The following RHOBTB1 variants were observed in gnomAD, a reference collection of about 807,000 sequenced individuals.
The protein encoded by RHOBTB1 is Rho related BTB domain containing 1.
In RHOBTB1, 40 loss-of-function variants were observed where a neutral mutation model predicts 71.6. The ratio of observed to expected loss-of-function variants is 0.56; its 90% CI spans 0.43 to 0.73. The LOEUF is 0.73. RHOBTB1 is among the 30% of genes least tolerant of loss of function. The probability of loss-of-function intolerance (pLI) is 0.00; values close to 1 mark genes in which losing one functional copy is unlikely to be tolerated. For missense variants in RHOBTB1, 797 were observed against 894.0 expected (o/e 0.89, Z 1.38); for synonymous variants, 319 against 334.9 (o/e 0.95, Z 0.52).
chr10:60,909,715 A>G (rs1366838089), intron 4 of RHOBTB1, among the ~76,000 whole-genome samples: 1 of 152,220 alleles, frequency 6.6e-6, no homozygotes, highest in Non-Finnish European at 1.5e-5. Flanking sequence ...CAGGAAATTC[A>G]AGGAAAAGAA....
At chr10:60,917,563 A>G (rs1044039904) in intron 2 of RHOBTB1, among the ~76,000 whole-genome samples, 2 of 152,188 alleles carry the variant, frequency 1.3e-5, no homozygotes, top group African/African-American at 4.8e-5. Context: ...GTGTCCTCAC[A>G]TGACAGGCAG....
At chr10:60,864,253 C>A in the RHOBTB1 span, among the ~76,000 whole-genome samples, 1 of 152,116 alleles carries the variant, frequency 6.6e-6, no homozygotes, top group African/African-American at 2.4e-5. Flanking sequence ...CCCCATAAGG[C>A]GCGGTTGTGG....
chr10:60,980,148 T>C (rs1228714277), intron 2 of RHOBTB1, among the ~76,000 whole-genome samples: 4 of 152,186 alleles, frequency 2.6e-5, no homozygotes, highest in Admixed American at 2.0e-4. Context: ...ATCAGTTAAA[T>C]TCATTAAAAT....
intron 1 of RHOBTB1, among the ~76,000 whole-genome samples, chr10:60,942,495 G>C (rs937855277): frequency 1.3e-5 from 2 of 152,146 alleles, no homozygotes; most frequent in Non-Finnish European, 2.9e-5. Context: ...TCTGCACTAG[G>C]ATCAACTGGT....
chr10:60,896,954 G>A (rs1034371556), intron 4 of RHOBTB1, among the ~76,000 whole-genome samples: 23 of 151,726 alleles, frequency 1.5e-4, no homozygotes, highest in Admixed American at 4.6e-4. Flanking sequence ...TTTTACTTCA[G>A]ATTTTAAACA....
At chr10:60,862,021 G>C in the RHOBTB1 span, among the ~76,000 whole-genome samples, 1 of 152,034 alleles carries the variant, frequency 6.6e-6, no homozygotes, top group Non-Finnish European at 1.5e-5. Flanking sequence ...CTAGGAGTCA[G>C]GTCGGGTTCT....
At chr10:60,862,891 T>A in the RHOBTB1 span, among the ~76,000 whole-genome samples, 1 of 111,316 alleles carries the variant, frequency 9.0e-6, no homozygotes, top group African/African-American at 3.6e-5. Context: ...CTTCCTTCCC[T>A]CCTCTCTCTC....
In RHOBTB1 at chr10:60,956,142, T is replaced by A. The variant is rs114456020; in HGVS notation, c.-61-14288A>T. Among the ~76,000 whole-genome samples the A allele has an allele frequency of 2.7e-3, 407 of 152,322 alleles. 4 individuals carry two copies. Among genetic ancestry groups the A allele is most frequent in the African/African-American group, 8.9e-3 (370 of 41,568 alleles). On this transcript the variant is annotated intron_variant, in intron 2 of 11. Coordinates refer to the RHOBTB1 transcript ENST00000357917. ...ACCTAGGCTATATGGTATAGCCCGT[T>A]GTTTCTAGGCTGCAAACCTGTACAG...
chr10:60,952,763 C>G (rs1376311022), intron 2 of RHOBTB1, among the ~76,000 whole-genome samples: 1 of 151,902 alleles, frequency 6.6e-6, no homozygotes, highest in African/African-American at 2.4e-5. Context: ...GGTAAACTAC[C>G]TTAGTATTTT....
At chr10:60,871,913 A>T in intron 10 of RHOBTB1, 1 of 603,474 alleles carries the variant, frequency 1.7e-6, no homozygotes, top group South Asian at 2.0e-5. Flanking sequence ...TTGTCTCCCT[A>T]AACAAGGGGA....
intron 2 of RHOBTB1, among the ~76,000 whole-genome samples, chr10:60,966,730 C>T (rs904574529): frequency 2.0e-5 from 3 of 150,818 alleles, no homozygotes; most frequent in African/African-American, 7.3e-5. Flanking sequence ...GGTACATGTG[C>T]ACAACGTGCA....
At chr10:60,944,490 G>C (rs971598158), upstream of RHOBTB1, among the ~76,000 whole-genome samples, 1 of 152,152 alleles carries the variant, frequency 6.6e-6, no homozygotes, top group Non-Finnish European at 1.5e-5. Context: ...GGGACAAACC[G>C]ACACAGAGCA....
intron 2 of RHOBTB1, among the ~76,000 whole-genome samples, chr10:60,960,569 TG>T (rs1453113813): frequency 4.6e-5 from 7 of 152,216 alleles, no homozygotes; most frequent in African/African-American, 1.7e-4. Context: ...TTTGGTTGGA[TG>T]GAATATTAAT....
chr10:61,000,560 C>T (rs1419468407), intron 1 of RHOBTB1, among the ~76,000 whole-genome samples: 1 of 152,204 alleles, frequency 6.6e-6, no homozygotes, highest in Non-Finnish European at 1.5e-5. Flanking sequence ...AATGCCACAC[C>T]TGCTGGACTC....
intron 8 of RHOBTB1, among the ~76,000 whole-genome samples, chr10:60,875,629 G>A (rs1241521550): frequency 1.3e-5 from 2 of 152,196 alleles, no homozygotes; most frequent in Non-Finnish European, 2.9e-5. Flanking sequence ...ACAGAGGAAT[G>A]AGTCTATTTG....
intron 7 of RHOBTB1, among the ~76,000 whole-genome samples, chr10:60,883,821 C>T (rs2081440215): frequency 6.6e-6 from 1 of 152,160 alleles, no homozygotes; most frequent in Non-Finnish European, 1.5e-5. Context: ...ACTGTGTTTT[C>T]CAGATCAGGA....
intron 1 of RHOBTB1, among the ~76,000 whole-genome samples, chr10:60,991,429 T>A (rs1199414821): frequency 8.0e-6 from 1 of 124,636 alleles, no homozygotes; most frequent in Non-Finnish European, 1.7e-5. Flanking sequence ...CTTCCCTCAG[T>A]ACTTTTTTTT....
intron 2 of RHOBTB1, among the ~76,000 whole-genome samples, chr10:60,934,079 C>A (rs1242173719): frequency 1.3e-5 from 2 of 151,804 alleles, no homozygotes; most frequent in Non-Finnish European, 2.9e-5. Flanking sequence ...TTCTTTGTGA[C>A]ATAAAGAAAT....
At chr10:60,970,132 T>C (rs902283589) in intron 2 of RHOBTB1, among the ~76,000 whole-genome samples, 2 of 152,170 alleles carry the variant, frequency 1.3e-5, no homozygotes, top group African/African-American at 2.4e-5. Flanking sequence ...TTTAGCAAAA[T>C]GTCATAGTGA....
Sources: allele counts gnomAD v4.1 joint callset (sites outside exome capture counted in the v4.1 genomes callset), GRCh38; gene constraint gnomAD v4.1.1; transcripts MANE v1.5; gene names NCBI Gene and HGNC (gene_info 2026-07-23, HGNC 2026-07-21).